Variants in FMN1 observed in about 807,000 individuals in gnomAD.
FMN1 encodes formin-1.
In FMN1, 110 loss-of-function variants were observed where a neutral mutation model predicts 132.4. The observed-to-expected ratio is 0.83, with a 90% CI of 0.71 to 0.97. The LOEUF (loss-of-function observed/expected upper bound fraction) is 0.97, where lower values mean the gene tolerates loss of function less well. FMN1 is among the 50% of genes least tolerant of loss of function. The pLI, the probability that FMN1 is intolerant of heterozygous loss-of-function variation, is 0.00. For missense variants in FMN1, 1,792 were observed against 1,705.3 expected, an observed-to-expected ratio of 1.05 and a Z score of -0.90; for synonymous variants, 722 against 651.7, an observed-to-expected ratio of 1.11 and a Z score of -1.64.
intron 9 of FMN1, among the ~76,000 whole-genome samples, chr15:32,953,540 C>T (rs1444054137): frequency 6.6e-6 from 1 of 152,156 alleles, no homozygotes; most frequent in Non-Finnish European, 1.5e-5. Flanking sequence ...CAGGTCAGGT[C>T]TAAATGAAAT....
chr15:32,839,666 T>C (rs1025380265), intron 17 of FMN1, among the ~76,000 whole-genome samples: 1 of 151,708 alleles, frequency 6.6e-6, no homozygotes, highest in Non-Finnish European at 1.5e-5. Context: ...ACTGTGGAAA[T>C]CAATAATGGC....
chr15:32,959,909 G>A (rs1365189131), intron 9 of FMN1, among the ~76,000 whole-genome samples: 4 of 152,154 alleles, frequency 2.6e-5, no homozygotes, highest in South Asian at 4.1e-4. Context: ...AATTTAATAC[G>A]ATCCTGCATA....
chr15:32,789,756 C>T (rs941822312), intron 19 of FMN1, among the ~76,000 whole-genome samples: 1 of 152,038 alleles, frequency 6.6e-6, no homozygotes, highest in Non-Finnish European at 1.5e-5. Context: ...CATGGTTAAG[C>T]GCCCTACACA....
intron 4 of FMN1, among the ~76,000 whole-genome samples, chr15:33,145,728 G>C (rs1257160359): frequency 6.6e-6 from 1 of 151,270 alleles, no homozygotes; most frequent in Non-Finnish European, 1.5e-5. Flanking sequence ...AAATTATCCA[G>C]ACATGCCCAG....
At chr15:32,793,003 C>T (rs185764598) in intron 19 of FMN1, among the ~76,000 whole-genome samples, 15 of 152,210 alleles carry the variant, frequency 9.9e-5, no homozygotes, top group Admixed American at 2.0e-4. Context: ...GTTATCCTTA[C>T]TGAGACAGGA....
chr15:33,068,153 G>A (rs1224924869), intron 5 of FMN1: 12 of 515,342 alleles, frequency 2.3e-5, no homozygotes, highest in South Asian at 4.6e-5. Context: ...TACTACACAC[G>A]GACCAGGGAG....
intron 15 of FMN1, among the ~76,000 whole-genome samples, chr15:32,894,391 C>T (rs538467764): frequency 5.9e-5 from 9 of 151,288 alleles, no homozygotes; most frequent in East Asian, 1.9e-4. Flanking sequence ...GGCTGAGGCA[C>T]GAGAATTGCT....
At chr15:33,007,338 T>C (rs1274305944) in intron 7 of FMN1, among the ~76,000 whole-genome samples, 5 of 152,294 alleles carry the variant, frequency 3.3e-5, no homozygotes, top group Non-Finnish European at 7.4e-5. Context: ...ACTGCAGCCA[T>C]CAGTAAACAA....
chr15:33,179,546 G>T (rs1965626287), intron 3 of FMN1, among the ~76,000 whole-genome samples: 1 of 152,204 alleles, frequency 6.6e-6, no homozygotes, highest in Non-Finnish European at 1.5e-5. Context: ...CACCGTCACT[G>T]TTGAGTCCCT....
chr15:32,953,064 T>C (rs1287059238), intron 9 of FMN1, among the ~76,000 whole-genome samples: 1 of 152,126 alleles, frequency 6.6e-6, no homozygotes, highest in African/African-American at 2.4e-5. Context: ...GGCTAAGAAA[T>C]CCAGCTGGAA....
At chr15:33,188,186 A>C (rs1217437710) in intron 2 of FMN1, among the ~76,000 whole-genome samples, 2 of 152,064 alleles carry the variant, frequency 1.3e-5, no homozygotes, top group Non-Finnish European at 2.9e-5. Flanking sequence ...TGCAAAAAAA[A>C]AAAATCAGCC....
chr15:32,879,023 G>A (rs2059701379), intron 16 of FMN1, among the ~76,000 whole-genome samples: 1 of 152,040 alleles, frequency 6.6e-6, no homozygotes, highest in Non-Finnish European at 1.5e-5. Context: ...TCAAGTTTCA[G>A]TTTCCTCTCT....
At chr15:33,037,679 C>T (rs1189613850) in intron 6 of FMN1, among the ~76,000 whole-genome samples, 2 of 152,186 alleles carry the variant, frequency 1.3e-5, no homozygotes, top group Non-Finnish European at 1.5e-5. Context: ...AGAACTGACT[C>T]AATAAATGTC....
At chr15:32,951,215 T>C (rs909141991) in intron 9 of FMN1, among the ~76,000 whole-genome samples, 1 of 152,194 alleles carries the variant, frequency 6.6e-6, no homozygotes, top group African/African-American at 2.4e-5. Context: ...GGTGATATTA[T>C]GTTACCTGCC....
intron 5 of FMN1, among the ~76,000 whole-genome samples, chr15:33,071,172 A>G (rs942644115): frequency 6.6e-6 from 1 of 152,188 alleles, no homozygotes; most frequent in African/African-American, 2.4e-5. Flanking sequence ...AACAAACAAA[A>G]AACAACAACC....
chr15:33,127,955 A>C (rs1344777551), intron 4 of FMN1, among the ~76,000 whole-genome samples: 5 of 152,152 alleles, frequency 3.3e-5, no homozygotes, highest in Non-Finnish European at 7.3e-5. Flanking sequence ...GGACAGGAGA[A>C]AGGAAAGAAA....
At chr15:32,898,125 A>G (rs75133971) in intron 15 of FMN1, among the ~76,000 whole-genome samples, 6,080 of 152,296 alleles carry the variant, frequency 0.04, 189 homozygotes, top group Admixed American at 0.074. Flanking sequence ...AAAGGCCCTG[A>G]GATCTCTACT....
At chr15:32,795,996 T>C (rs1567179537) in intron 19 of FMN1, among the ~76,000 whole-genome samples, 1 of 152,228 alleles carries the variant, frequency 6.6e-6, no homozygotes, top group Non-Finnish European at 1.5e-5. Flanking sequence ...ACCAGTTTAA[T>C]AAGATTATTG....
rs560631726 is a variant in FMN1 at position 33,053,086 on chromosome 15, T to A, written c.2161+11871A>T. Among the ~76,000 whole-genome samples, 6 of 152,238 alleles carry A rather than the reference T, an allele frequency of 3.9e-5. No homozygotes were observed. In the East Asian group the frequency reaches 9.7e-4, roughly 25 times the overall value. ...TCTCATCACCCTTCAATCGTCAGTG[T>A]GACCTCATTCTTCTTGAACGCTGGA... is the stretch of plus-strand genomic sequence containing the variant. On this transcript the variant is annotated intron_variant, in intron 6 of 20. Transcript: ENST00000616417.
Sources: gnomAD v4.1 joint callset for allele counts (sites outside exome capture counted in the v4.1 genomes callset) on GRCh38, gnomAD v4.1.1 for gene constraint, MANE v1.5 for transcripts, NCBI Gene and HGNC (gene_info 2026-07-23, HGNC 2026-07-21) for gene names.